Variants in FANCA observed in about 807,000 individuals in gnomAD.
FANCA encodes the protein FA complementation group A, also known as Fanconi anemia group A protein.
FANCA carries 236 observed loss-of-function variants against 194.3 expected under a neutral mutation model. The ratio of observed to expected loss-of-function variants is 1.21; its 90% CI spans 1.09 to 1.35. The LOEUF (loss-of-function observed/expected upper bound fraction) is 1.35, where lower values mean the gene tolerates loss of function less well. Among genes scored for constraint, FANCA ranks in the 40% most tolerant of loss-of-function variants. FANCA has a pLI of 0.00. For synonymous variants in FANCA, 1,014 were observed against 715.8 expected (o/e 1.42, Z -6.65); for missense variants, 2,628 against 1,813.9 (o/e 1.45, Z -8.15).
chr16:89,792,192 A>C (rs905424436), intron 12 of FANCA, 124 bp from the exon 13 acceptor site: 1 of 1,187,094 alleles, frequency 8.4e-7, no homozygotes, highest in Non-Finnish European at 1.3e-6. Context: ...AAGGTAACAC[A>C]TGGAGCTGTG....
At chr16:89,750,105 G>A (rs2038531839) in intron 31 of FANCA, among the ~76,000 whole-genome samples, 2 of 152,328 alleles carry the variant, frequency 1.3e-5, no homozygotes, top group South Asian at 4.1e-4. Flanking sequence ...GCTCACGTCT[G>A]TAATGCCAGC....
At chr16:89,744,661 G>C (rs578169550) in intron 36 of FANCA, 2 of 418,848 alleles carry the variant, frequency 4.8e-6, no homozygotes, top group Non-Finnish European at 8.9e-6. Flanking sequence ...CACTGGCAGA[G>C]GCTGTTTTTT....
rs554897273 is a variant in FANCA at position 89,771,665 on chromosome 16, C to T, written c.2151+13G>A. ...TGAAGACCCCCTGCTTTGTTCTGAGCCCCTACACCTACCATGTGTTCCCGT... is the reference window on the plus strand; with the variant it reads ...TGAAGACCCCCTGCTTTGTTCTGAGTCCCTACACCTACCATGTGTTCCCGT... On this transcript the variant is annotated intron_variant, in intron 23 of 42. Transcript: ENST00000389301. The T allele has an allele frequency of 3.1e-6, 5 of 1,613,952 alleles. No homozygotes were observed. The South Asian group carries it at 3.3e-5, about 11-fold the overall frequency.
chr16:89,799,415 G>A (rs2040363198), intron 9 of FANCA, among the ~76,000 whole-genome samples, 183 bp from the exon 10 acceptor site: 1 of 152,122 alleles, frequency 6.6e-6, no homozygotes, highest in South Asian at 2.1e-4. Flanking sequence ...GCTTCCCTGT[G>A]ACCCACAGAT....
chr16:89,773,378 G>T lies in FANCA; in HGVS notation c.1907C>A (p.Ala636Asp). ...GTTGGGTTCTGCCCTCACTCCCAGG[G>T]CTGCATCTGTGAGAAGAAGGAAGAA... is the stretch of plus-strand genomic sequence containing the variant. ...SAAEEKPEDAALGVRAEPNSA... is the reference protein window; with the variant it reads ...SAAEEKPEDADLGVRAEPNSA... The change falls in exon 22 of 43, where the codon GCC (alanine) becomes GAC (aspartate). Residue 636 changes from alanine to aspartate, a missense_variant. By Grantham distance (126) the Ala-to-Asp change is moderately radical (BLOSUM62 -2). Coordinates refer to ENST00000389301, the MANE Select transcript of FANCA (RefSeq NM_000135.4). The T allele has an allele frequency of 6.5e-7, 1 of 1,550,046 alleles. No homozygotes were observed. The highest frequency in any genetic ancestry group is 8.7e-7 in the Non-Finnish European group (1 of 1,145,702).
intron 28 of FANCA, 30 bp from the exon 29 acceptor site, chr16:89,762,052 A>G (rs754844253): frequency 3.9e-6 from 6 of 1,550,496 alleles, no homozygotes; most frequent in African/African-American, 2.7e-5. Flanking sequence ...ATTCAATACA[A>G]TGAGGACAGA....
chr16:89,785,496 C>A (rs1187631905), intron 14 of FANCA, among the ~76,000 whole-genome samples: 1 of 152,184 alleles, frequency 6.6e-6, no homozygotes, highest in East Asian at 1.9e-4. Flanking sequence ...GAGGGCCACC[C>A]CTCAGACAAT....
Position 89,738,668 on chromosome 16 carries a change from G to A in FANCA, c.4301C>T (p.Ala1434Val), listed in dbSNP as rs1047662111. Residue 1434 changes from alanine to valine, a missense_variant, in exon 43 of 43, where the codon GCC becomes GTC. Transcript: ENST00000389301. ...AGCCTGCTGTCTGCTCTGGAGGGCGGCGCTCACCTCTGGGTCGCAGTCCCC... is the reference window on the plus strand; with the variant it reads ...AGCCTGCTGTCTGCTCTGGAGGGCGACGCTCACCTCTGGGTCGCAGTCCCC... Reference protein sequence around the residue: ...DRGDCDPEVSAALQSRQQAAP... With the variant: ...DRGDCDPEVSVALQSRQQAAP... The A allele has an allele frequency of 3.7e-6, 6 of 1,613,662 alleles. No homozygotes were observed. The African/African-American group carries it at 8.0e-5, about 22-fold the overall frequency.
Position 89,783,148 on chromosome 16 carries a change from C to G in FANCA, c.1471-46G>C, listed in dbSNP as rs45547131. The G allele has an allele frequency of 6.8e-5, 99 of 1,450,372 alleles. No homozygotes were observed. The African/African-American group carries it at 1.3e-3, about 19-fold the overall frequency. 89.8% of individuals were successfully genotyped at this position (1,450,372 alleles called of 1,614,324 possible). A position where few individuals can be genotyped will look rare whatever the true frequency, so the allele number is the denominator to read the frequency against. On this transcript the variant is annotated intron_variant, in intron 15 of 42. Coordinates refer to ENST00000389301, the MANE Select transcript of FANCA (RefSeq NM_000135.4). ...GCAGCACCGTTAGTCTGGGAACTGC[C>G]TGGGACTCCAGGGAGGCCACAATTC...
chr16:89,757,323 A>C (rs890544185), intron 30 of FANCA, among the ~76,000 whole-genome samples: 1 of 152,102 alleles, frequency 6.6e-6, no homozygotes, highest in Admixed American at 6.5e-5. Context: ...AAATCTCAGG[A>C]GGCATTCTTG....
chr16:89,782,335 C>T (rs1278193918), intron 17 of FANCA, among the ~76,000 whole-genome samples: 8 of 151,922 alleles, frequency 5.3e-5, no homozygotes, highest in Non-Finnish European at 1.0e-4. Flanking sequence ...CATGGCGAAA[C>T]CCTGACTCTA....
chr16:89,795,882 G>A (rs1452340636), intron 11 of FANCA, 24 bp downstream of exon 11: 4 of 1,564,012 alleles, frequency 2.6e-6, no homozygotes, highest in Non-Finnish European at 2.6e-6. Flanking sequence ...GGTAGCAACT[G>A]AGCAGCCTCC....
At chr16:89,785,327 T>C (rs2039861182) in intron 14 of FANCA, among the ~76,000 whole-genome samples, 1 of 152,218 alleles carries the variant, frequency 6.6e-6, no homozygotes, top group Non-Finnish European at 1.5e-5. Flanking sequence ...TTTGGGATCC[T>C]TAGGGGTACA....
At chr16:89,753,293 C>T (rs756467599) in intron 30 of FANCA, among the ~76,000 whole-genome samples, 1 of 152,124 alleles carries the variant, frequency 6.6e-6, no homozygotes, top group Non-Finnish European at 1.5e-5. Context: ...TAAGTAACAG[C>T]GCAGCCCGAC....
At chr16:89,750,208 G>T (rs541797760) in intron 31 of FANCA, among the ~76,000 whole-genome samples, 1 of 152,120 alleles carries the variant, frequency 6.6e-6, no homozygotes, top group African/African-American at 2.4e-5. Context: ...ACAGCTGGGC[G>T]TGGTGGCTCA....
At chr16:89,797,263 A>G (rs1209703165) in intron 10 of FANCA, among the ~76,000 whole-genome samples, 1 of 152,034 alleles carries the variant, frequency 6.6e-6, no homozygotes, top group African/African-American at 2.4e-5. Context: ...CCCAGGAGGC[A>G]TAGGTTGTAG....
intron 17 of FANCA, among the ~76,000 whole-genome samples, chr16:89,782,510 C>CAA (rs750202032): frequency 1.8e-4 from 22 of 122,546 alleles, no homozygotes; most frequent in East Asian, 9.0e-4. Flanking sequence ...ACTGCATCTC[C>CAA]AAAAAAAAAA....
Position 89,743,011 on chromosome 16 carries a change from T to G in FANCA, c.3627-73A>C, listed in dbSNP as rs1459751145. 1.9e-6 allele frequency: 3 copies of G among 1,548,908 alleles called. No homozygotes were observed. The East Asian group carries it at 6.8e-5, about 35-fold the overall frequency. On this transcript the variant is annotated intron_variant, in intron 36 of 42. Transcript: ENST00000389301. Reference sequence around the variant, plus strand: ...CCACGCCATAGAAACCAAGTCCTTATTCCCACCTGTCACCTTTGGGGCCTG... The same window carrying G: ...CCACGCCATAGAAACCAAGTCCTTAGTCCCACCTGTCACCTTTGGGGCCTG...
rs766129701 is a variant in FANCA at position 89,810,959 on chromosome 16, AC to A, written c.395del (p.Ser132IlefsTer6). The A allele has an allele frequency of 6.2e-7, 1 of 1,614,136 alleles. No homozygotes were observed. Among genetic ancestry groups the A allele is most frequent in the Non-Finnish European group, 8.5e-7 (1 of 1,180,040 alleles). On this transcript the variant is annotated frameshift_variant, in exon 4 of 43. Coordinates refer to ENST00000389301, the MANE Select transcript of FANCA (RefSeq NM_000135.4). LOFTEE classifies it high-confidence loss of function. ...GCTCCACAGTCAGCAGCACAGGGTGACTGGTCTCCGCTGGAGCCGTGCAGAT... is the reference window on the plus strand; with the variant it reads ...GCTCCACAGTCAGCAGCACAGGGTGATGGTCTCCGCTGGAGCCGTGCAGAT... ...GQICTAPAET[S>X]HPVLLTVEQR...
Sources: allele counts gnomAD v4.1 joint callset (sites outside exome capture counted in the v4.1 genomes callset), GRCh38; gene constraint gnomAD v4.1.1; transcripts MANE v1.5; gene names NCBI Gene and HGNC (gene_info 2026-07-23, HGNC 2026-07-21).